The following ZNF454 variants were observed in gnomAD, a reference collection of about 807,000 sequenced individuals.
ZNF454 encodes the protein zinc finger protein 454.
A neutral mutation model predicts 48.2 loss-of-function variants in ZNF454; 30 were observed. The ratio of observed to expected loss-of-function variants is 0.62; its 90% CI spans 0.47 to 0.84. The LOEUF is 0.84. Among genes scored for constraint, ZNF454 ranks in the 40% least tolerant of loss-of-function variants. The pLI, the probability that ZNF454 is intolerant of heterozygous loss-of-function variation, is 0.00. For synonymous variants in ZNF454, 204 were observed against 211.4 expected (o/e 0.97, Z 0.30); for missense variants, 510 against 623.1 (o/e 0.82, Z 1.93).
At chr5:178,947,627 G>A (rs1055180957) in intron 4 of ZNF454, among the ~76,000 whole-genome samples, 1 of 152,138 alleles carries the variant, frequency 6.6e-6, no homozygotes, top group African/African-American at 2.4e-5. Context: ...TGACAGTTTG[G>A]TGATGGTTAC....
intron 4 of ZNF454, among the ~76,000 whole-genome samples, chr5:178,964,081 C>T (rs1760071644): frequency 6.6e-6 from 1 of 150,850 alleles, no homozygotes; most frequent in African/African-American, 2.4e-5. Context: ...TCTATTATCA[C>T]AAAGAAAATA....
Position 178,965,662 on chromosome 5 carries a change from G to T in ZNF454, c.1258G>T (p.Ala420Ser). 6.2e-7 allele frequency: 1 copy of T among 1,614,166 alleles called. No homozygotes were observed. The highest frequency in any genetic ancestry group is 8.5e-7 in the Non-Finnish European group (1 of 1,180,040). ...KPYRCGLCEKAFRDQSALAQH... is the reference protein window; with the variant it reads ...KPYRCGLCEKSFRDQSALAQH... ...TTACAGATGTGGCTTGTGTGAGAAA[G>T]CCTTTCGGGACCAATCAGCACTAGC... The change falls in exon 5 of 5, where the codon GCC (alanine) becomes TCC (serine). Residue 420 changes from alanine (A) to serine (S), a missense_variant. By Grantham distance (99) the Ala-to-Ser change is moderately conservative. Around this residue, in one of 3 missense-constraint regions of ZNF454, gnomAD observed 153 missense variants for 195.8 expected, o/e 0.78. Coordinates refer to ENST00000519564, the MANE Select transcript of ZNF454 (RefSeq NM_001178089.3). This position sits in a 1 kb window ranked among gnomAD's most constrained non-coding sequence, Gnocchi z 5.2.
chr5:178,971,025 C>T (rs2113293252), downstream of ZNF454, among the ~76,000 whole-genome samples: 1 of 152,358 alleles, frequency 6.6e-6, no homozygotes, highest in Non-Finnish European at 1.5e-5. Flanking sequence ...CCACGCCTGG[C>T]ACCAGATGCT....
chr5:178,942,888 C>T, intron 2 of ZNF454, 64 bp downstream of exon 2: 2 of 1,562,848 alleles, frequency 1.3e-6, no homozygotes, highest in Admixed American at 3.5e-5. Context: ...ATGTTTGCTT[C>T]CTCAGACCGG....
the ZNF454 span, chr5:178,986,710 G>A: frequency 1.9e-4 from 311 of 1,604,934 alleles, no homozygotes; most frequent in East Asian, 1.3e-3. Flanking sequence ...GCACAGAGAC[G>A]AGGGCACCTC....
intron 4 of ZNF454, among the ~76,000 whole-genome samples, chr5:178,962,110 C>G (rs1274975090): frequency 6.6e-6 from 1 of 151,632 alleles, no homozygotes; most frequent in African/African-American, 2.4e-5. Context: ...GAAATATCTA[C>G]TTCAAGTTTA....
At chr5:178,987,673 T>C in the ZNF454 span, among the ~76,000 whole-genome samples, 2 of 152,036 alleles carry the variant, frequency 1.3e-5, no homozygotes, top group African/African-American at 4.8e-5. Context: ...GATGGGGAAG[T>C]GTTTAATGCA....
chr5:178,969,716 C>T (rs1760212828), downstream of ZNF454: 1 of 452,514 alleles, frequency 2.2e-6, no homozygotes, highest in East Asian at 7.0e-5. Context: ...GAAGCAGCTC[C>T]TGGCCTCTCC....
intron 4 of ZNF454, among the ~76,000 whole-genome samples, chr5:178,957,799 A>G (rs766026927): frequency 3.5e-4 from 53 of 152,214 alleles, no homozygotes; most frequent in Non-Finnish European, 6.5e-4. Context: ...GGATTAATTC[A>G]CACCTCAATT....
chr5:178,970,284 C>G (rs184615804), downstream of ZNF454, among the ~76,000 whole-genome samples: 1 of 152,200 alleles, frequency 6.6e-6, no homozygotes, highest in African/African-American at 2.4e-5. Context: ...AACATGGAGA[C>G]GTCAATCTCT....
Position 178,942,814 on chromosome 5 carries a change from C to A in ZNF454, c.23C>A (p.Thr8Asn). 1 of 1,613,858 alleles carries A rather than the reference C, an allele frequency of 6.2e-7. No individual in the cohort carries two copies. The highest frequency in any genetic ancestry group is 8.5e-7 in the Non-Finnish European group (1 of 1,179,870). MAVSHLP[T>N]MVQESVTFKD... is the part of the protein sequence containing the mutation. ...AGAATGGCTGTCAGCCACCTGCCAA[C>A]CATGGTCCAGGTGAGTGGGGGTTTC... The change falls in exon 2 of 5, where the codon ACC becomes AAC. Residue 8 changes from threonine (T) to asparagine (N), a missense_variant. Thr to Asn is a moderately conservative substitution (Grantham distance 65). Coordinates refer to ENST00000519564, the MANE Select transcript of ZNF454 (RefSeq NM_001178089.3).
intron 4 of ZNF454, among the ~76,000 whole-genome samples, chr5:178,947,212 T>G (rs1759376019): frequency 6.6e-6 from 1 of 152,218 alleles, no homozygotes; most frequent in Non-Finnish European, 1.5e-5. Context: ...TCTCCCTGTT[T>G]GGCGTAGATT....
chr5:178,949,490 G>A (rs1437048856), intron 4 of ZNF454, among the ~76,000 whole-genome samples: 2 of 152,056 alleles, frequency 1.3e-5, no homozygotes, highest in South Asian at 2.1e-4. Context: ...CTATGATGAC[G>A]TGCTGGTCAT....
At chr5:178,968,323 G>A (rs74556159), downstream of ZNF454, among the ~76,000 whole-genome samples, 3,868 of 152,242 alleles carry the variant, frequency 0.025, 79 homozygotes, top group South Asian at 0.074. Context: ...TGACCCCTCA[G>A]AATGGAGCAC....
At chr5:178,945,694 TG>T (rs985297370) in intron 2 of ZNF454, among the ~76,000 whole-genome samples, 3 of 132,182 alleles carry the variant, frequency 2.3e-5, no homozygotes, top group East Asian at 2.3e-4. Flanking sequence ...TCTCTGTGTG[TG>T]GGGGGGTGTG....
the ZNF454 span, among the ~76,000 whole-genome samples, chr5:178,975,323 G>A: frequency 2.6e-5 from 4 of 152,174 alleles, no homozygotes; most frequent in South Asian, 4.1e-4. Flanking sequence ...AGTGGTGCAC[G>A]TTTGAGAGCA....
the ZNF454 span, chr5:178,989,954 C>T: frequency 9.7e-6 from 2 of 205,924 alleles, no homozygotes; most frequent in South Asian, 9.3e-5. Context: ...ATGCCTTTAT[C>T]GCTAAAACTA....
chr5:178,985,498 T>C, the ZNF454 span: 6 of 342,902 alleles, frequency 1.7e-5, no homozygotes, highest in Non-Finnish European at 3.4e-5. Flanking sequence ...GGTCAGGAGA[T>C]CGAGACCATC....
At chr5:178,989,213 CCTCACCACCCT>C in the ZNF454 span, 1 of 1,191,858 alleles carries the variant, frequency 8.4e-7, no homozygotes, top group Non-Finnish European at 1.2e-6. Context: ...CCCTCCCCAC[CCTCACCACCCT>C]CCCCACCCTC....
Sources: gnomAD v4.1 joint callset for allele counts (sites outside exome capture counted in the v4.1 genomes callset) on GRCh38, gnomAD v4.1.1 for gene constraint, gnomAD v4.1.1 regional missense constraint, Gnocchi (gnomAD v3.1) non-coding constraint, MANE v1.5 for transcripts, NCBI Gene and HGNC (gene_info 2026-07-23, HGNC 2026-07-21) for gene names.